TENM2: variants seen among roughly 807,000 people sequenced by gnomAD.
TENM2 encodes the protein teneurin transmembrane protein 2, also known as teneurin-2.
Under a neutral mutation model 245.2 loss-of-function variants are expected in TENM2, and 52 were observed. The ratio of observed to expected loss-of-function variants is 0.21; its 90% CI spans 0.17 to 0.27. The LOEUF (loss-of-function observed/expected upper bound fraction) is 0.27, where lower values mean the gene tolerates loss of function less well. Among genes scored for constraint, TENM2 ranks in the 10% least tolerant of loss-of-function variants. TENM2 has a pLI of 1.00. For missense variants in TENM2, 3,046 were observed against 3,666.8 expected (o/e 0.83, Z 4.37); for synonymous variants, 1,363 against 1,438.9 (o/e 0.95, Z 1.19).
At chr5:168,159,091 C>A (rs1317580766) in intron 12 of TENM2, among the ~76,000 whole-genome samples, 1 of 151,228 alleles carries the variant, frequency 6.6e-6, no homozygotes, top group Non-Finnish European at 1.5e-5. Context: ...CTGCAGTGAG[C>A]CGACATTGCG....
the TENM2 span, among the ~76,000 whole-genome samples, chr5:167,247,014 T>A: frequency 6.6e-6 from 1 of 152,140 alleles, no homozygotes; most frequent in Admixed American, 6.6e-5. Flanking sequence ...AATGATTGAA[T>A]AAAGCATAAT....
intron 12 of TENM2, among the ~76,000 whole-genome samples, chr5:168,148,283 C>T (rs1756289447): frequency 6.6e-6 from 1 of 152,200 alleles, no homozygotes; most frequent in Non-Finnish European, 1.5e-5. Context: ...AGGAGAAGCT[C>T]TTGCCTTCCT....
intron 2 of TENM2, among the ~76,000 whole-genome samples, chr5:167,450,112 C>T (rs1305688825): frequency 1.3e-5 from 2 of 151,944 alleles, no homozygotes; most frequent in Non-Finnish European, 2.9e-5. Context: ...ATATTCTTTC[C>T]CCTGTCTACT....
intron 3 of TENM2, among the ~76,000 whole-genome samples, chr5:167,905,260 A>C (rs992643644): frequency 6.6e-6 from 1 of 152,198 alleles, no homozygotes; most frequent in African/African-American, 2.4e-5. Context: ...ATCAACTTTC[A>C]ACCTCATCGT....
At chr5:168,181,731 G>T (rs1406894158) in intron 13 of TENM2, among the ~76,000 whole-genome samples, 1 of 146,474 alleles carries the variant, frequency 6.8e-6, no homozygotes, top group Non-Finnish European at 1.5e-5. Flanking sequence ...GGCTGAAGTG[G>T]AGTGATGCAA....
At chr5:168,093,992 C>G (rs549511957) in intron 8 of TENM2, among the ~76,000 whole-genome samples, 3 of 152,162 alleles carry the variant, frequency 2.0e-5, no homozygotes, top group East Asian at 3.9e-4. Flanking sequence ...TGCACACACA[C>G]AGACACACAT....
chr5:168,043,565 G>T (rs1278210805), intron 5 of TENM2, among the ~76,000 whole-genome samples: 3 of 151,872 alleles, frequency 2.0e-5, no homozygotes. Context: ...CTAAAGGGAT[G>T]CACAGAGATT....
chr5:167,239,921 C>T, the TENM2 span, among the ~76,000 whole-genome samples: 17 of 152,088 alleles, frequency 1.1e-4, no homozygotes, highest in Admixed American at 2.6e-4. Flanking sequence ...GACAGGCACG[C>T]GCCACCATGC....
chr5:167,584,937 G>C (rs1414796991), intron 2 of TENM2, among the ~76,000 whole-genome samples: 2 of 152,148 alleles, frequency 1.3e-5, no homozygotes, highest in Non-Finnish European at 2.9e-5. Flanking sequence ...TGTGTGTCTA[G>C]CTTATCTGCT....
At chr5:167,403,365 T>A (rs1313618007) in intron 2 of TENM2, among the ~76,000 whole-genome samples, 1 of 151,954 alleles carries the variant, frequency 6.6e-6, no homozygotes, top group Non-Finnish European at 1.5e-5. Flanking sequence ...CATAAATCAA[T>A]GTTATTCATA....
At chr5:167,775,674 C>G (rs1219252008) in intron 2 of TENM2, among the ~76,000 whole-genome samples, 1 of 151,924 alleles carries the variant, frequency 6.6e-6, no homozygotes, top group Non-Finnish European at 1.5e-5. Context: ...ATTCTGTGTT[C>G]AGTGTTCTCG....
intron 5 of TENM2, among the ~76,000 whole-genome samples, chr5:168,040,405 C>A (rs1157080397): frequency 6.6e-6 from 1 of 152,174 alleles, no homozygotes; most frequent in African/African-American, 2.4e-5. Flanking sequence ...TTTGGAGCTG[C>A]AAGCTGGAAG....
chr5:167,000,555 G>A, the TENM2 span, among the ~76,000 whole-genome samples: 218 of 152,282 alleles, frequency 1.4e-3, 1 homozygote, highest in African/African-American at 4.8e-3. Flanking sequence ...TCTGTGTGCA[G>A]AAAATAACAG....
chr5:167,823,165 C>CT (rs138015003), intron 2 of TENM2, among the ~76,000 whole-genome samples: 3,433 of 151,896 alleles, frequency 0.023, 137 homozygotes, highest in African/African-American at 0.078. Flanking sequence ...GGAAATTTCC[C>CT]TTTTTTTTGT....
rs948832886 is a variant in TENM2, at chr5:168,199,210, G to A, written c.3162+96G>A. On this transcript the variant is annotated intron_variant, in intron 16 of 28. Coordinates refer to ENST00000518659, the Ensembl canonical transcript of TENM2. ...CCCGAGTGGACCAGAAACTAATATT[G>A]TAGGGGAGTAAAAAAAGTGGGAGCA... 4.6e-6 allele frequency: 6 copies of A among 1,294,802 alleles called. No homozygotes were observed. The East Asian group carries it at 1.3e-4, about 27-fold the overall frequency. The allele number at this position is 1,294,802 out of a possible 1,614,324, so 80.2% of individuals were successfully genotyped here.
At chr5:167,040,301 C>T in the TENM2 span, among the ~76,000 whole-genome samples, 6 of 152,120 alleles carry the variant, frequency 3.9e-5, no homozygotes, top group Admixed American at 1.3e-4. Context: ...CCGGAAGAAG[C>T]AAACCTTGAT....
chr5:168,177,950 G>C (rs1759501096), intron 13 of TENM2, among the ~76,000 whole-genome samples: 1 of 152,200 alleles, frequency 6.6e-6, no homozygotes, highest in South Asian at 2.1e-4. Flanking sequence ...TTAGAAATTA[G>C]TACTTCCAAC....
rs1376906614 is a variant in TENM2, at chr5:167,307,250, G to A, written c.226+22187G>A. 1.3e-5 allele frequency among the ~76,000 whole-genome samples: 2 copies of A among 152,204 alleles called. 1 individual carries two copies. Among genetic ancestry groups the A allele is most frequent in the South Asian group, 4.1e-4 (2 of 4,828 alleles). The stretch of plus-strand genomic sequence containing the variant: ...TCAAGCTTAGTGTTGTCAGACAGCA[G>A]AGGCTGTGGGCAAAGGGGAAGGCAC... On this transcript the variant is annotated intron_variant, in intron 1 of 28. Transcript: ENST00000518659.
intron 2 of TENM2, among the ~76,000 whole-genome samples, chr5:167,838,858 G>T (rs1769234667): frequency 6.6e-6 from 1 of 152,186 alleles, no homozygotes; most frequent in African/African-American, 2.4e-5. Flanking sequence ...AATAATGAAT[G>T]AGGACTTCTT....
Sources: gnomAD v4.1 joint callset for allele counts (sites outside exome capture counted in the v4.1 genomes callset) on GRCh38, gnomAD v4.1.1 for gene constraint, MANE v1.5 for transcripts, NCBI Gene and HGNC (gene_info 2026-07-23, HGNC 2026-07-21) for gene names.